The following MGAT4C variants were observed in gnomAD, a reference collection of about 807,000 sequenced individuals.
MGAT4C encodes MGAT4 family member C.
Under a neutral mutation model 40.1 loss-of-function variants are expected in MGAT4C, and 19 were observed. The ratio of observed to expected loss-of-function variants is 0.47; its 90% confidence interval spans 0.33 to 0.70. The LOEUF is 0.70. MGAT4C is among the 30% of genes least tolerant of loss of function. MGAT4C has a pLI of 0.02. For synonymous variants in MGAT4C, 181 were observed against 187.1 expected, an observed-to-expected ratio of 0.97 and a Z score of 0.27; for missense variants, 491 against 563.2, an observed-to-expected ratio of 0.87 and a Z score of 1.30.
At chr12:86,217,787 G>A (rs573670425) in intron 1 of MGAT4C, among the ~76,000 whole-genome samples, 1 of 152,190 alleles carries the variant, frequency 6.6e-6, no homozygotes, top group African/African-American at 2.4e-5. Context: ...TTTTGTTTTA[G>A]TTAACGAAAA....
At chr12:86,121,997 CTCTTT>C (rs1438772707) in intron 1 of MGAT4C, among the ~76,000 whole-genome samples, 1 of 152,154 alleles carries the variant, frequency 6.6e-6, no homozygotes, top group Non-Finnish European at 1.5e-5. Flanking sequence ...CAAGTATATT[CTCTTT>C]TAATTATTTG....
At chr12:86,058,716 TG>T (rs1363142530) in intron 1 of MGAT4C, among the ~76,000 whole-genome samples, 1 of 152,160 alleles carries the variant, frequency 6.6e-6, no homozygotes, top group Non-Finnish European at 1.5e-5. Flanking sequence ...TTCTCTCTTT[TG>T]TTGACATGGT....
chr12:86,714,916 G>A (rs1950620884), intron 2 of MGAT4C, among the ~76,000 whole-genome samples: 1 of 152,078 alleles, frequency 6.6e-6, no homozygotes, highest in African/African-American at 2.4e-5. Context: ...GCTATTATAT[G>A]AGGAGTTAGA....
At chr12:86,818,298 A>G (rs1427898278) in intron 1 of MGAT4C, among the ~76,000 whole-genome samples, 2 of 151,378 alleles carry the variant, frequency 1.3e-5, no homozygotes, top group African/African-American at 4.8e-5. Flanking sequence ...AAAATAACAA[A>G]TCAGAATAAA....
intron 2 of MGAT4C, among the ~76,000 whole-genome samples, chr12:86,651,634 A>C (rs10431400): frequency 2.0e-5 from 3 of 151,788 alleles, no homozygotes; most frequent in Admixed American, 6.6e-5. Context: ...CCTAACATTG[A>C]AAACTTTTGA....
intron 4 of MGAT4C, among the ~76,000 whole-genome samples, chr12:86,309,527 T>C (rs1954017398): frequency 6.6e-6 from 1 of 152,142 alleles, no homozygotes; most frequent in Admixed American, 6.6e-5. Context: ...ACTCCAGGAA[T>C]AACTAACCAC....
chr12:86,272,934 T>C (rs1049765065), intron 4 of MGAT4C, among the ~76,000 whole-genome samples: 1 of 152,212 alleles, frequency 6.6e-6, no homozygotes, highest in South Asian at 2.1e-4. Flanking sequence ...GATGTTAGGT[T>C]TGCCTGACAA....
rs1184549270 is a variant in MGAT4C, at chr12:85,967,299, C to T, written c.*11990G>A. 6.6e-6 allele frequency: 1 copy of T among 151,836 alleles called. No individual in the cohort carries two copies. Among genetic ancestry groups the T allele is most frequent in the East Asian group, 1.9e-4 (1 of 5,182 alleles). 9.4% of individuals were successfully genotyped at this position (151,836 alleles called of 1,614,324 possible). A position where few individuals can be genotyped will look rare whatever the true frequency, so the allele number is the denominator to read the frequency against. On this transcript the variant is annotated 3_prime_UTR_variant, in exon 5 of 5. Coordinates refer to ENST00000611864, the MANE Select transcript of MGAT4C (RefSeq NM_001351288.2). ...CCTAAGAACAAGTTTCATTTCATCT[C>T]ATGAAAAAAATGTTACTTTTTGTAT...
chr12:86,406,789 T>A (rs1401285424), intron 3 of MGAT4C, among the ~76,000 whole-genome samples: 10 of 152,104 alleles, frequency 6.6e-5, no homozygotes, highest in Non-Finnish European at 1.0e-4. Flanking sequence ...AACTTTTTTA[T>A]CTCTTCACAC....
chr12:86,765,501 A>T (rs1222053983), intron 1 of MGAT4C, among the ~76,000 whole-genome samples: 1 of 152,162 alleles, frequency 6.6e-6, no homozygotes, highest in East Asian at 1.9e-4. Context: ...ATTCAGAATC[A>T]GGAAATATAG....
intron 1 of MGAT4C, among the ~76,000 whole-genome samples, chr12:86,804,814 A>T (rs192436975): frequency 4.5e-4 from 69 of 152,152 alleles, no homozygotes; most frequent in African/African-American, 1.5e-3. Flanking sequence ...TTAAAGAAAA[A>T]TTTTGAGAAT....
chr12:86,202,026 T>C (rs1950072134), intron 1 of MGAT4C, among the ~76,000 whole-genome samples: 1 of 152,096 alleles, frequency 6.6e-6, no homozygotes, highest in African/African-American at 2.4e-5. Flanking sequence ...AGTTATTACA[T>C]TTATAAAATA....
intron 2 of MGAT4C, among the ~76,000 whole-genome samples, chr12:86,655,284 T>C (rs1255534929): frequency 1.3e-5 from 2 of 152,078 alleles, no homozygotes; most frequent in Admixed American, 6.6e-5. Context: ...AGAAATACTA[T>C]GCGGTTCTTA....
intron 2 of MGAT4C, among the ~76,000 whole-genome samples, chr12:86,675,029 T>C (rs1964355852): frequency 1.3e-5 from 2 of 152,190 alleles, no homozygotes; most frequent in Admixed American, 1.3e-4. Flanking sequence ...ATTCGTTTTT[T>C]TGTCCTTAAG....
intron 3 of MGAT4C, among the ~76,000 whole-genome samples, chr12:86,409,708 A>G (rs1236105226): frequency 6.6e-6 from 1 of 152,082 alleles, no homozygotes; most frequent in African/African-American, 2.4e-5. Context: ...TGTAATCCCC[A>G]GTGTTGGAGG....
intron 3 of MGAT4C, among the ~76,000 whole-genome samples, chr12:86,379,672 A>G (rs544468540): frequency 6.6e-6 from 1 of 152,136 alleles, no homozygotes; most frequent in Non-Finnish European, 1.5e-5. Flanking sequence ...TCTATATAAA[A>G]CAATACTTTT....
rs1324183470 is a variant in MGAT4C, at chr12:86,768,979, C to T, written c.-261-41738G>A. 3.3e-5 allele frequency among the ~76,000 whole-genome samples: 5 copies of T among 151,848 alleles called. No individual in the cohort carries two copies. The East Asian group carries it at 9.7e-4, about 29-fold the overall frequency. On this transcript the variant is annotated intron_variant, in intron 1 of 7. Transcript: ENST00000548651. Reference sequence around the variant, plus strand: ...ATGGGCAAGGACTTCATGTCTAAAACACCAAAAGCAATGGCAACAAAAGAC... The same window carrying T: ...ATGGGCAAGGACTTCATGTCTAAAATACCAAAAGCAATGGCAACAAAAGAC...
At chr12:86,075,946 G>A (rs2135528789) in intron 1 of MGAT4C, among the ~76,000 whole-genome samples, 1 of 152,270 alleles carries the variant, frequency 6.6e-6, no homozygotes, top group South Asian at 2.1e-4. Flanking sequence ...TTAACATTGG[G>A]CTCCTTGCTA....
At chr12:86,602,129 C>T (rs1961807085) in intron 2 of MGAT4C, among the ~76,000 whole-genome samples, 1 of 152,126 alleles carries the variant, frequency 6.6e-6, no homozygotes, top group African/African-American at 2.4e-5. Context: ...GTGGCCAGAC[C>T]CGTGTTCATT....
Sources: gnomAD v4.1 joint callset for allele counts (sites outside exome capture counted in the v4.1 genomes callset) on GRCh38, gnomAD v4.1.1 for gene constraint, MANE v1.5 for transcripts, NCBI Gene and HGNC (gene_info 2026-07-23, HGNC 2026-07-21) for gene names.